ZC3H11A: variants seen among roughly 807,000 people sequenced by gnomAD.
ZC3H11A encodes the protein zinc finger CCCH domain-containing protein 11A.
In ZC3H11A, 22 loss-of-function variants were observed where a neutral mutation model predicts 90.8. That is an observed-to-expected ratio of 0.24 (90% CI 0.17 to 0.35). ZC3H11A has a LOEUF of 0.35. Among genes scored for constraint, ZC3H11A ranks in the 10% least tolerant of loss-of-function variants. ZC3H11A has a pLI of 1.00. For synonymous variants in ZC3H11A, 294 were observed against 339.8 expected, an observed-to-expected ratio of 0.87 and a Z score of 1.48; for missense variants, 701 against 964.9, an observed-to-expected ratio of 0.73 and a Z score of 3.62.
intron 2 of ZC3H11A, among the ~76,000 whole-genome samples, chr1:203,809,347 T>C (rs1167486266): frequency 1.3e-5 from 2 of 151,734 alleles, no homozygotes. Context: ...GGCTAATTTT[T>C]TATATTTTTA....
rs536332458 is a variant in ZC3H11A at position 203,851,591 on chromosome 1, A to G, written c.2174+467A>G. ...GTGATCCACCTTCCTCGTCTTCCCA[A>G]AGTGCTGGGATTACAGGCATGAGCT... On this transcript the variant is annotated intron_variant, in intron 17 of 17. Transcript: ENST00000367210. Among the ~76,000 whole-genome samples the G allele has an allele frequency of 3.4e-4, 51 of 152,232 alleles. 1 individual carries two copies. The highest frequency in any genetic ancestry group is 1.1e-3 in the African/African-American group (47 of 41,552).
At chr1:203,804,123 A>G (rs901876499) in intron 2 of ZC3H11A, among the ~76,000 whole-genome samples, 1 of 146,816 alleles carries the variant, frequency 6.8e-6, no homozygotes, top group African/African-American at 2.5e-5. Context: ...TGGGTCTTGC[A>G]TACTTCTTCA....
chr1:203,808,017 C>T (rs1035410903), intron 2 of ZC3H11A, among the ~76,000 whole-genome samples: 6 of 152,070 alleles, frequency 3.9e-5, no homozygotes, highest in African/African-American at 9.7e-5. Flanking sequence ...GCTGGCATTA[C>T]GGATGTGAGC....
chr1:203,816,484 C>G (rs901625856), intron 2 of ZC3H11A, among the ~76,000 whole-genome samples: 2 of 151,848 alleles, frequency 1.3e-5, no homozygotes, highest in Non-Finnish European at 1.5e-5. Context: ...AAAAAATTAG[C>G]TGGGTATAGT....
intron 2 of ZC3H11A, among the ~76,000 whole-genome samples, chr1:203,810,205 G>T (rs1332674810): frequency 6.6e-6 from 1 of 151,556 alleles, no homozygotes; most frequent in Non-Finnish European, 1.5e-5. Flanking sequence ...TGAACTCCTG[G>T]TCTCAAGTGA....
At position 203,829,785 on chromosome 1, in the gene ZC3H11A, T is replaced by G; in HGVS notation, c.508T>G (p.Phe170Val). The change falls in exon 7 of 18, where the codon TTT becomes GTT. Residue 170 changes from phenylalanine to valine, a missense_variant. Phe to Val is a conservative substitution (Grantham distance 50). This residue lies in a region of ZC3H11A where 530 missense variants were observed against 696.2 expected (regional missense o/e 0.76). Coordinates refer to ENST00000367210, the MANE Select transcript of ZC3H11A (RefSeq NM_001376342.1). ...CCTTAAATGTTGATATATAGATCAGTTTTCTGAGGAAGGTGATGAAACCAA... is the reference window on the plus strand; with the variant it reads ...CCTTAAATGTTGATATATAGATCAGGTTTCTGAGGAAGGTGATGAAACCAA... ...ADDDEDDDDQ[F>V]SEEGDETKTP... 1 of 1,613,994 alleles carries G rather than the reference T, an allele frequency of 6.2e-7. No homozygotes were observed. The highest frequency in any genetic ancestry group is 8.5e-7 in the Non-Finnish European group (1 of 1,179,882).
At chr1:203,841,363 G>C (rs1322391438) in intron 12 of ZC3H11A, among the ~76,000 whole-genome samples, 1 of 152,038 alleles carries the variant, frequency 6.6e-6, no homozygotes, top group Non-Finnish European at 1.5e-5. Flanking sequence ...GACTCTTAAC[G>C]AGCATGCTGC....
At chr1:203,814,147 A>G (rs961418952) in intron 2 of ZC3H11A, among the ~76,000 whole-genome samples, 4 of 152,132 alleles carry the variant, frequency 2.6e-5, no homozygotes, top group Non-Finnish European at 4.4e-5. Context: ...AAATCTCCTC[A>G]GCTAAAACCC....
chr1:203,820,676 C>T (rs965565256), intron 4 of ZC3H11A, among the ~76,000 whole-genome samples: 5 of 151,868 alleles, frequency 3.3e-5, no homozygotes, highest in African/African-American at 4.8e-5. Context: ...CACGAGGTTT[C>T]GCGATGTTGG....
intron 8 of ZC3H11A, among the ~76,000 whole-genome samples, chr1:203,830,709 T>C (rs1382567087): frequency 1.3e-5 from 2 of 151,888 alleles, no homozygotes; most frequent in African/African-American, 4.8e-5. Context: ...CTCGGGAGGC[T>C]GAGGCATGAG....
chr1:203,797,515 T>C (rs1273996087), intron 1 of ZC3H11A: 2 of 1,486,914 alleles, frequency 1.3e-6, no homozygotes, highest in East Asian at 2.5e-5. Context: ...TGTGGAGACA[T>C]AAAGAGAATG....
chr1:203,852,056 T>G, intron 17 of ZC3H11A, 85 bp from the exon 18 acceptor site: 5 of 1,491,462 alleles, frequency 3.4e-6, no homozygotes, highest in Non-Finnish European at 4.6e-6. Context: ...AACAAATTTT[T>G]GCTCACTTTG....
rs990957376 is a variant in ZC3H11A at position 203,802,565 on chromosome 1, A to G, written c.-597A>G. ...GGGGAAGGTTTCTGTTTTTTTCTTA[A>G]TAGGTGAAGAAATCTTGAAGACCAG... On this transcript the variant is annotated 5_prime_UTR_variant, in exon 2 of 18. The change abolishes the stop of an existing upstream ORF in the 5' untranslated region. Coordinates refer to ENST00000367210, the MANE Select transcript of ZC3H11A (RefSeq NM_001376342.1). 1 of 152,326 alleles carries G rather than the reference A, an allele frequency of 6.6e-6. No homozygotes were observed. Among genetic ancestry groups the G allele is most frequent in the African/African-American group, 2.4e-5 (1 of 41,392 alleles). The allele number at this position is 152,326 out of a possible 1,614,324, so 9.4% of individuals were successfully genotyped here. A position where few individuals can be genotyped will look rare whatever the true frequency, so the allele number is the denominator to read the frequency against.
intron 1 of ZC3H11A, chr1:203,800,318 C>A: frequency 1.1e-6 from 1 of 889,668 alleles, no homozygotes; most frequent in Non-Finnish European, 1.8e-6. Flanking sequence ...AGATCATGAG[C>A]CTGGACTTTG....
rs374236846 is a variant in ZC3H11A, at chr1:203,849,745, A to G, written c.1658A>G (p.Lys553Arg). ...SGETTGVDIT[K>R]IQVKRCETMR... ...GAGACCACAGGAGTTGACATCACTA[A>G]AATTCAAGTCAAGAGATGTGAGACC... Residue 553 changes from lysine to arginine, a missense_variant, in exon 15 of 18, where the codon AAA becomes AGA. By Grantham distance (26) the Lys-to-Arg change is conservative (BLOSUM62 2). Around this residue, in one of 4 missense-constraint regions of ZC3H11A, gnomAD observed 530 missense variants for 696.2 expected, o/e 0.76. Transcript: ENST00000367210. 2.3e-4 allele frequency: 373 copies of G among 1,613,980 alleles called. 2 individuals carry two copies. In the South Asian group the frequency reaches 3.0e-3, roughly 13 times the overall value.
chr1:203,851,175 T>C (rs772362941), intron 17 of ZC3H11A, 51 bp downstream of exon 17: 10 of 1,540,276 alleles, frequency 6.5e-6, no homozygotes, highest in Admixed American at 3.5e-5. Context: ...TGTTACTGTT[T>C]AGGCTCTCTA....
chr1:203,813,852 C>G (rs1675331699), intron 2 of ZC3H11A, among the ~76,000 whole-genome samples: 1 of 152,054 alleles, frequency 6.6e-6, no homozygotes, highest in Non-Finnish European at 1.5e-5. Flanking sequence ...ATGTCTGTCT[C>G]TTTCATTTTA....
At chr1:203,828,482 C>T in intron 5 of ZC3H11A, 60 bp downstream of exon 5, 1 of 1,540,144 alleles carries the variant, frequency 6.5e-7, no homozygotes, top group Non-Finnish European at 8.8e-7. Flanking sequence ...GCACACTGTA[C>T]AACAGTACTT....
chr1:203,848,154 G>A (rs1688385885), intron 13 of ZC3H11A, among the ~76,000 whole-genome samples, 177 bp from the exon 14 acceptor site: 2 of 152,114 alleles, frequency 1.3e-5, no homozygotes, highest in African/African-American at 4.8e-5. Flanking sequence ...CACCATGCCC[G>A]GCCAACCTTT....
Sources: gnomAD v4.1 joint callset for allele counts (sites outside exome capture counted in the v4.1 genomes callset) on GRCh38, gnomAD v4.1.1 for gene constraint, gnomAD v4.1.1 regional missense constraint, MANE v1.5 for transcripts, NCBI Gene and HGNC (gene_info 2026-07-23, HGNC 2026-07-21) for gene names.